The following EP400 variants were observed in gnomAD, a reference collection of about 807,000 sequenced individuals.
EP400 encodes E1A binding protein p400.
EP400 carries 105 observed loss-of-function variants against 354.1 expected under a neutral mutation model. The observed-to-expected ratio is 0.30, with a 90% CI of 0.25 to 0.35. The LOEUF (loss-of-function observed/expected upper bound fraction) is 0.35, where lower values mean the gene tolerates loss of function less well. EP400 is among the 10% of genes least tolerant of loss of function. The probability of loss-of-function intolerance (pLI) is 1.00; values close to 1 mark genes in which losing one functional copy is unlikely to be tolerated. For missense variants in EP400, 3,280 were observed against 4,121.0 expected (o/e 0.80, Z 5.59); for synonymous variants, 1,646 against 1,716.9 (o/e 0.96, Z 1.02).
At chr12:132,039,546 A>G (rs915864523) in intron 32 of EP400, among the ~76,000 whole-genome samples, 1 of 152,160 alleles carries the variant, frequency 6.6e-6, no homozygotes, top group Non-Finnish European at 1.5e-5. Flanking sequence ...GAGAATTTAT[A>G]ATGAAAAGCC....
chr12:132,071,776 T>C (rs1016792329), intron 51 of EP400, among the ~76,000 whole-genome samples: 19 of 152,202 alleles, frequency 1.2e-4, no homozygotes, highest in African/African-American at 4.6e-4. Flanking sequence ...CCTGTGCCCC[T>C]ACCAGCGCTG....
chr12:132,064,389 T>C (rs1372025750), intron 47 of EP400, among the ~76,000 whole-genome samples: 1 of 152,242 alleles, frequency 6.6e-6, no homozygotes, highest in Non-Finnish European at 1.5e-5. Flanking sequence ...TGCTACAGAT[T>C]TAAATCGACT....
At chr12:132,028,865 T>C (rs113220691) in intron 27 of EP400, 2,218 of 154,720 alleles carry the variant, frequency 0.014, 52 homozygotes, top group African/African-American at 0.051. Flanking sequence ...GTTGTAGTTC[T>C]CAGTTGTCTC....
chr12:132,038,233 A>C lies in EP400; in HGVS notation c.6207+137A>C. ...CCCTCTTCCCGTCCCTGCTTTTGGA[A>C]CCTCCCCACTCCCTTCTTTCTGTCA... On this transcript the variant is annotated intron_variant, in intron 32 of 52. Transcript: ENST00000389561. The surrounding 1 kb of genome is among the most constrained non-coding windows in gnomAD (Gnocchi z 4.2). The C allele has an allele frequency of 2.9e-6, 3 of 1,050,652 alleles. No homozygotes were observed. The highest frequency in any genetic ancestry group is 2.6e-5 in the East Asian group (1 of 38,792). 65.1% of individuals were successfully genotyped at this position (1,050,652 alleles called of 1,614,324 possible).
rs376227477 is a variant in EP400 at position 132,045,358 on chromosome 12, T to C, written c.6824T>C (p.Val2275Ala). ...RKKKQRHGEA[V>A]VPPRSLFDRA... is the part of the protein sequence containing the mutation. ...AAGAAGCAGCGTCACGGGGAGGCGG[T>C]CGTCCCTCCTCGGTCCCTGTTTGAC... Residue 2275 changes from valine (V) to alanine (A), a missense_variant, in exon 38 of 53, where the codon GTC (valine) becomes GCC (alanine). Coordinates refer to ENST00000389561, the MANE Select transcript of EP400 (RefSeq NM_015409.5). The C allele has an allele frequency of 6.2e-6, 10 of 1,614,208 alleles. No individual in the cohort carries two copies. Among genetic ancestry groups the C allele is most frequent in the Non-Finnish European group, 7.6e-6 (9 of 1,180,034 alleles).
rs1015176733 is a variant in EP400, at chr12:132,041,135, G to A, written c.6208-2169G>A. ...AGGTTAGCCTTGGCCTTTTGCCAGC[G>A]GAGACAGATCCACGTTAGCGTGCTG... On this transcript the variant is annotated intron_variant, in intron 32 of 52. Transcript: ENST00000389561. Among the ~76,000 whole-genome samples, 9 of 152,208 alleles carry A rather than the reference G, an allele frequency of 5.9e-5. No individual in the cohort carries two copies. The East Asian group carries it at 7.7e-4, about 13-fold the overall frequency.
At chr12:132,001,091 G>A (rs939093526) in intron 12 of EP400, among the ~76,000 whole-genome samples, 2 of 152,132 alleles carry the variant, frequency 1.3e-5, no homozygotes, top group Admixed American at 6.5e-5. Flanking sequence ...TCTTCCCACC[G>A]TGTGTGGAGA....
intron 2 of EP400, among the ~76,000 whole-genome samples, chr12:131,972,020 C>T (rs977282352): frequency 6.6e-6 from 1 of 152,072 alleles, no homozygotes; most frequent in African/African-American, 2.4e-5. Context: ...AACCAAGGAG[C>T]CTCCATTTTG....
rs530190580 is a variant in EP400, at chr12:132,008,135, A to T, written c.3304+1258A>T. The stretch of plus-strand genomic sequence containing the variant: ...AGCTAATTTTGTATTTTTAGTAGAG[A>T]TGGGGTTTCTCCATGTTGGTCAGGC... On this transcript the variant is annotated intron_variant, in intron 15 of 52. Transcript: ENST00000389561. Among the ~76,000 whole-genome samples, 446 of 152,148 alleles carry T rather than the reference A, an allele frequency of 2.9e-3. 4 individuals carry two copies. Among genetic ancestry groups the T allele is most frequent in the African/African-American group, 0.01 (432 of 41,518 alleles).
chr12:132,020,883 A>C lies in EP400; in HGVS notation c.4448-196A>C, dbSNP rs142136417. ...TAGCGTACTGTAGCTCGAAGTGAAGATAATTATCAACAAGTAAAATTATAT... is the reference window on the plus strand; with the variant it reads ...TAGCGTACTGTAGCTCGAAGTGAAGCTAATTATCAACAAGTAAAATTATAT... On this transcript the variant is annotated intron_variant, in intron 22 of 52. Transcript: ENST00000389561. Among the ~76,000 whole-genome samples the C allele has an allele frequency of 3.3e-5, 5 of 152,364 alleles. No individual in the cohort carries two copies. In the East Asian group the frequency reaches 9.6e-4, roughly 29 times the overall value.
chr12:132,051,104 A>G (rs1186159328), intron 41 of EP400: 2 of 192,756 alleles, frequency 1.0e-5, no homozygotes, highest in Non-Finnish European at 1.1e-5. Flanking sequence ...GGTAGATGCA[A>G]GAAAGTAAAT....
chr12:131,960,350 TCCTC>T (rs1040954009), intron 1 of EP400, among the ~76,000 whole-genome samples: 3 of 152,122 alleles, frequency 2.0e-5, no homozygotes, highest in African/African-American at 7.2e-5. Flanking sequence ...ATCGGTATGT[TCCTC>T]CCTCAGTAGG....
chr12:132,045,670 G>A, intron 38 of EP400, 57 bp from the exon 39 acceptor site: 1 of 1,606,130 alleles, frequency 6.2e-7, no homozygotes, highest in Non-Finnish European at 8.5e-7. Context: ...TGGCAAGAGG[G>A]AAGACCTTCT....
intron 14 of EP400, among the ~76,000 whole-genome samples, 166 bp downstream of exon 14, chr12:132,006,468 G>A (rs1226329012): frequency 1.3e-5 from 2 of 152,180 alleles, no homozygotes; most frequent in African/African-American, 4.8e-5. Flanking sequence ...TACTCAGGAG[G>A]GTGAGGCAAG....
chr12:132,069,433 C>T (rs1250263227), intron 50 of EP400, 62 bp from the exon 51 acceptor site: 32 of 1,579,896 alleles, frequency 2.0e-5, no homozygotes, highest in Non-Finnish European at 1.9e-5. Flanking sequence ...AGCGGGCAGG[C>T]GTCCCGGGAG....
intron 6 of EP400, 134 bp from the exon 7 acceptor site, chr12:131,987,571 G>A: frequency 1.4e-6 from 1 of 692,096 alleles, no homozygotes; most frequent in Non-Finnish European, 2.2e-6. Flanking sequence ...ATTAAACTGG[G>A]ACCTTGTGCT....
Position 132,044,245 on chromosome 12 carries a change from C to T in EP400, c.6519C>T (p.Ala2173=). 2 of 1,614,168 alleles carry T rather than the reference C, an allele frequency of 1.2e-6. No individual in the cohort carries two copies. The highest frequency in any genetic ancestry group is 1.3e-5 in the African/African-American group (1 of 75,056). ...TGAAGACCCTGCAGGAGAGGGAGGC[C>T]CGGCTGCGGCTGGAGCAGGAGGAGG... The part of the protein sequence containing the change: ...WNLKTLQERE[A]RLRLEQEEAE... The change falls in exon 35 of 53, where the codon GCC becomes GCT. Residue 2173 remains alanine (A), a synonymous_variant. Transcript: ENST00000389561.
At chr12:131,986,366 GATACGA>G (rs1255081528) in intron 5 of EP400, 142 bp from the exon 6 acceptor site, 1 of 718,326 alleles carries the variant, frequency 1.4e-6, no homozygotes, top group African/African-American at 1.8e-5. Flanking sequence ...TTGGGCTGTG[GATACGA>G]TGTGATTTGT....
At chr12:131,995,456 G>A (rs973093894) in intron 12 of EP400, among the ~76,000 whole-genome samples, 5 of 150,028 alleles carry the variant, frequency 3.3e-5, no homozygotes, top group South Asian at 4.2e-4. Flanking sequence ...TGAATGTACC[G>A]TTCATCTTGA....
Sources: allele counts gnomAD v4.1 joint callset (sites outside exome capture counted in the v4.1 genomes callset), GRCh38; gene constraint gnomAD v4.1.1; non-coding constraint Gnocchi (gnomAD v3.1); transcripts MANE v1.5; gene names NCBI Gene and HGNC (gene_info 2026-07-23, HGNC 2026-07-21).